LHFPL2: variants seen among roughly 807,000 people sequenced by gnomAD.
LHFPL2 encodes LHFPL tetraspan subfamily member 2, also known as LHFPL tetraspan subfamily member 2 protein.
In LHFPL2, 7 loss-of-function variants were observed where a neutral mutation model predicts 17.5. That is an observed-to-expected ratio of 0.40 (90% CI 0.23 to 0.75). The LOEUF (loss-of-function observed/expected upper bound fraction) is 0.75, where lower values mean the gene tolerates loss of function less well. LHFPL2 is among the 30% of genes least tolerant of loss of function. The probability of loss-of-function intolerance (pLI) is 0.37; values close to 1 mark genes in which losing one functional copy is unlikely to be tolerated. For missense variants in LHFPL2, 241 were observed against 294.8 expected, an observed-to-expected ratio of 0.82 and a Z score of 1.34; for synonymous variants, 134 against 116.2, an observed-to-expected ratio of 1.15 and a Z score of -0.99.
chr5:78,543,021 G>A (rs899623328), intron 3 of LHFPL2, among the ~76,000 whole-genome samples: 1 of 152,188 alleles, frequency 6.6e-6, no homozygotes, highest in East Asian at 1.9e-4. Flanking sequence ...CAGGCAAGCT[G>A]GAAGCTTGCA....
intron 2 of LHFPL2, among the ~76,000 whole-genome samples, chr5:78,572,923 C>G (rs570147106): frequency 6.6e-6 from 1 of 152,118 alleles, no homozygotes; most frequent in Non-Finnish European, 1.5e-5. Flanking sequence ...AACTTAGATT[C>G]CTCGCACGCA....
intron 2 of LHFPL2, among the ~76,000 whole-genome samples, chr5:78,572,531 T>TAC (rs145866779): frequency 0.39 from 58,461 of 148,982 alleles, 11,846 homozygotes; most frequent in Middle Eastern, 0.48. Context: ...TATATATATA[T>TAC]ACACACACAT....
At chr5:78,558,295 T>C (rs1312561824) in intron 3 of LHFPL2, among the ~76,000 whole-genome samples, 1 of 152,256 alleles carries the variant, frequency 6.6e-6, no homozygotes, top group Non-Finnish European at 1.5e-5. Flanking sequence ...GATCCCAGTG[T>C]ACGCTCATTC....
rs1478005101 is a variant in LHFPL2, at chr5:78,585,007, T to G, written c.-244-20136A>C. 1.1e-4 allele frequency among the ~76,000 whole-genome samples: 9 copies of G among 80,808 alleles called. 1 individual carries two copies. In the East Asian group the frequency reaches 2.0e-3, roughly 18 times the overall value. 53.0% of individuals were successfully genotyped at this position (80,808 alleles called of 152,430 possible). A position where few individuals can be genotyped will look rare whatever the true frequency, so the allele number is the denominator to read the frequency against. ...CCTGGTGCGCTGTGTTTTTTTTTTT[T>G]TTTTTTTTTTTTTTTTTGAGACGGA... On this transcript the variant is annotated intron_variant, in intron 2 of 4. Transcript: ENST00000380345.
intron 3 of LHFPL2, among the ~76,000 whole-genome samples, chr5:78,548,300 T>C (rs993886370): frequency 6.6e-6 from 1 of 152,244 alleles, no homozygotes; most frequent in Non-Finnish European, 1.5e-5. Context: ...GAGAAGGTAG[T>C]GGATGTTGTA....
At chr5:78,493,025 C>T (rs370891626) in intron 4 of LHFPL2, among the ~76,000 whole-genome samples, 1 of 152,232 alleles carries the variant, frequency 6.6e-6, no homozygotes, top group East Asian at 1.9e-4. Context: ...GCTCTGCCCT[C>T]TATGATCCCT....
intron 2 of LHFPL2, among the ~76,000 whole-genome samples, chr5:78,617,268 G>A (rs1744654755): frequency 6.6e-6 from 1 of 152,062 alleles, no homozygotes; most frequent in African/African-American, 2.4e-5. Flanking sequence ...GACCTTAGGT[G>A]ATCCACCCAC....
At chr5:78,638,776 C>T (rs529583089) in intron 1 of LHFPL2, among the ~76,000 whole-genome samples, 1 of 152,220 alleles carries the variant, frequency 6.6e-6, no homozygotes, top group East Asian at 1.9e-4. Flanking sequence ...TGACTTGTGG[C>T]CCAGAGGGAA....
At chr5:78,611,381 C>T (rs1185387582) in intron 2 of LHFPL2, among the ~76,000 whole-genome samples, 3 of 152,224 alleles carry the variant, frequency 2.0e-5, no homozygotes, top group Non-Finnish European at 2.9e-5. Context: ...TGCACTCCAG[C>T]AGGGCTCAGT....
At chr5:78,645,743 C>T (rs534770182) in intron 1 of LHFPL2, among the ~76,000 whole-genome samples, 3 of 152,086 alleles carry the variant, frequency 2.0e-5, no homozygotes, top group Non-Finnish European at 4.4e-5. Flanking sequence ...CCACCACACC[C>T]GGCTAATTTT....
chr5:78,590,085 G>A (rs1353134504), intron 2 of LHFPL2: 1 of 152,072 alleles, frequency 6.6e-6, no homozygotes, highest in African/African-American at 2.4e-5. Flanking sequence ...TGCCTGCTAC[G>A]AAATGCTCTT....
intron 2 of LHFPL2, among the ~76,000 whole-genome samples, chr5:78,574,096 G>A (rs911819937): frequency 6.6e-6 from 1 of 152,198 alleles, no homozygotes; most frequent in Admixed American, 6.5e-5. Context: ...GAGGAGGAGA[G>A]TACGCTCACG....
intron 1 of LHFPL2, among the ~76,000 whole-genome samples, chr5:78,642,976 C>A (rs76141939): frequency 9.2e-5 from 14 of 152,168 alleles, no homozygotes; most frequent in Admixed American, 2.6e-4. Context: ...TTGTTCCCCC[C>A]CCTCCTTGTT....
At chr5:78,589,615 C>G (rs879595180) in intron 2 of LHFPL2, among the ~76,000 whole-genome samples, 1 of 152,190 alleles carries the variant, frequency 6.6e-6, no homozygotes, top group African/African-American at 2.4e-5. Context: ...TGTCCCTCCT[C>G]AACCTGCACC....
rs1457717129 is a variant in LHFPL2 at position 78,510,251 on chromosome 5, G to A, written c.-38C>T. 3 of 1,523,794 alleles carry A rather than the reference G, an allele frequency of 2.0e-6. No individual in the cohort carries two copies. The highest frequency in any genetic ancestry group is 2.2e-5 in the Admixed American group (1 of 45,874). 94.4% of individuals were successfully genotyped at this position (1,523,794 alleles called of 1,614,324 possible). On this transcript the variant is annotated 5_prime_UTR_variant, in exon 4 of 5. Coordinates refer to ENST00000380345, the MANE Select transcript of LHFPL2 (RefSeq NM_005779.3). The stretch of plus-strand genomic sequence containing the variant: ...GGCGAAGAAAGAGTCAGGAGTCCAC[G>A]GAGTTAATCAAAACAAGAAAGTCGG...
intron 4 of LHFPL2, among the ~76,000 whole-genome samples, chr5:78,498,181 C>T (rs1754666036): frequency 6.6e-6 from 1 of 152,180 alleles, no homozygotes; most frequent in Non-Finnish European, 1.5e-5. Flanking sequence ...AAGGTACCAG[C>T]ACTATGGGCA....
rs957417096 is a variant in LHFPL2 at position 78,488,733 on chromosome 5, CTT to C, written c.*162_*163del. On this transcript the variant is annotated 3_prime_UTR_variant, in exon 5 of 5. Transcript: ENST00000380345. ...GCACTGCAGACCGCATGTCCAGTAA[CTT>C]TGCGTAGCTGGATGTGGCCTCTCAT... 80 of 708,364 alleles carry C rather than the reference CTT, an allele frequency of 1.1e-4. No homozygotes were observed. The highest frequency in any genetic ancestry group is 1.0e-3 in the African/African-American group (56 of 56,112). 43.9% of individuals were successfully genotyped at this position (708,364 alleles called of 1,614,324 possible).
Position 78,635,542 on chromosome 5 carries a change from C to T in LHFPL2, c.-349-3174G>A, listed in dbSNP as rs145004294. 9.1e-3 allele frequency among the ~76,000 whole-genome samples: 1,393 copies of T among 152,376 alleles called. 24 individuals are homozygous for T. Among genetic ancestry groups the T allele is most frequent in the African/African-American group, 0.031 (1,300 of 41,590 alleles). ...AACCGGCCAGGCACAGTGGCTTACGCCTGTAATTCCAGCACTTTGGGAGGC... is the reference window on the plus strand; with the variant it reads ...AACCGGCCAGGCACAGTGGCTTACGTCTGTAATTCCAGCACTTTGGGAGGC... On this transcript the variant is annotated intron_variant, in intron 1 of 4. Coordinates refer to ENST00000380345, the MANE Select transcript of LHFPL2 (RefSeq NM_005779.3).
intron 2 of LHFPL2, among the ~76,000 whole-genome samples, chr5:78,581,702 T>C (rs1281703163): frequency 2.0e-5 from 3 of 152,256 alleles, no homozygotes; most frequent in Non-Finnish European, 4.4e-5. Flanking sequence ...CAGTATTTTA[T>C]TGAGGATTTT....
Sources: gnomAD v4.1 joint callset for allele counts (sites outside exome capture counted in the v4.1 genomes callset) on GRCh38, gnomAD v4.1.1 for gene constraint, MANE v1.5 for transcripts, NCBI Gene and HGNC (gene_info 2026-07-23, HGNC 2026-07-21) for gene names.